Variants in ZNF493 observed in about 807,000 individuals in gnomAD.
ZNF493 encodes the protein zinc finger protein 493.
ZNF493 carries 11 observed loss-of-function variants against 12.2 expected under a neutral mutation model. The ratio of observed to expected loss-of-function variants is 0.90; its 90% CI spans 0.57 to 1.50. The LOEUF is 1.50. ZNF493 is among the 40% of genes most tolerant of loss of function. ZNF493 has a pLI of 0.00. For synonymous variants in ZNF493, 286 were observed against 302.6 expected (o/e 0.95, Z 0.57); for missense variants, 950 against 906.6 (o/e 1.05, Z -0.61).
chr19:21,424,427 AAACAC>A lies in ZNF493; in HGVS notation c.1771_1775del (p.His591AspfsTer5). Reference sequence around the variant, plus strand: ...CTTTAGTGTATTCTCAACCCTTACTAAACACAAGATAATTCATACTGATAAGAAAC... The same window carrying A: ...CTTTAGTGTATTCTCAACCCTTACTAAAGATAATTCATACTGATAAGAAAC... On this transcript the variant is annotated frameshift_variant, in exon 4 of 4. Transcript: ENST00000392288. LOFTEE classifies it low-confidence loss of function (END_TRUNC). 6.2e-7 allele frequency: 1 copy of A among 1,612,290 alleles called. No homozygotes were observed. The highest frequency in any genetic ancestry group is 1.7e-5 in the Admixed American group (1 of 59,638).
intron 3 of ZNF493, chr19:21,413,762 C>T: frequency 3.4e-6 from 1 of 290,826 alleles, no homozygotes; most frequent in Non-Finnish European, 6.3e-6. Flanking sequence ...TGGATCTCTC[C>T]ACCAAATCAG....
At chr19:21,410,636 G>A (rs1012324744) in intron 3 of ZNF493, among the ~76,000 whole-genome samples, 2 of 151,336 alleles carry the variant, frequency 1.3e-5, no homozygotes, top group Admixed American at 6.6e-5. Flanking sequence ...CTTAATGTGC[G>A]GAAATTTTCA....
chr19:21,405,615 A>T, intron 2 of ZNF493, 146 bp from the exon 3 acceptor site: 1 of 1,082,680 alleles, frequency 9.2e-7, no homozygotes, highest in Non-Finnish European at 1.2e-6. Context: ...AATATTTTCT[A>T]AATGTTAAGA....
At chr19:21,407,758 T>G in intron 3 of ZNF493, 1 of 984,402 alleles carries the variant, frequency 1.0e-6, no homozygotes, top group Non-Finnish European at 1.2e-6. Flanking sequence ...TATATGTTCC[T>G]CAAACAGCAA....
rs898941451 is a variant in ZNF493, at chr19:21,422,639, A to G, written c.254-274A>G. On this transcript the variant is annotated intron_variant, in intron 3 of 3. Coordinates refer to ENST00000392288, the MANE Select transcript of ZNF493 (RefSeq NM_001076678.3). ...CATTATGTTATATTGGGAAGCAGGA[A>G]TAGCCATGTTGGGTAAATGTAACAA... 1.5e-4 allele frequency among the ~76,000 whole-genome samples: 23 copies of G among 152,038 alleles called. 1 individual carries two copies. The highest frequency in any genetic ancestry group is 3.1e-4 in the Non-Finnish European group (21 of 67,980).
chr19:21,413,848 G>T (rs2030402000), intron 3 of ZNF493: 1 of 174,638 alleles, frequency 5.7e-6, no homozygotes, highest in Admixed American at 6.3e-5. Context: ...CTTTGGGCAG[G>T]CTCAAAAAAT....
intron 3 of ZNF493, among the ~76,000 whole-genome samples, chr19:21,409,938 A>T (rs959983949): frequency 3.9e-5 from 6 of 152,008 alleles, no homozygotes; most frequent in African/African-American, 1.5e-4. Context: ...TAAGATATAT[A>T]AGCGGAATCA....
chr19:21,415,126 C>T (rs952601324), intron 3 of ZNF493, among the ~76,000 whole-genome samples: 2 of 152,072 alleles, frequency 1.3e-5, no homozygotes, highest in African/African-American at 2.4e-5. Context: ...AAGAAAAAGC[C>T]ACTCTACTAA....
At position 21,424,563 on chromosome 19, in the gene ZNF493, G is replaced by T; in HGVS notation, c.1904G>T (p.Gly635Val). ...AAACCCTACAAATGTGAAGAATGTGGCAAAGCTTTTAAGCGGTCCTCACAC... is the reference window on the plus strand; with the variant it reads ...AAACCCTACAAATGTGAAGAATGTGTCAAAGCTTTTAAGCGGTCCTCACAC... Reference protein sequence around the residue: ...GEKPYKCEECGKAFKRSSHLA... With the variant: ...GEKPYKCEECVKAFKRSSHLA... Residue 635 changes from glycine (G) to valine (V), a missense_variant, in exon 4 of 4, where the codon GGC (glycine) becomes GTC (valine). Transcript: ENST00000392288. 3 of 1,610,142 alleles carry T rather than the reference G, an allele frequency of 1.9e-6. No individual in the cohort carries two copies. The highest frequency in any genetic ancestry group is 2.5e-6 in the Non-Finnish European group (3 of 1,178,666).
intron 1 of ZNF493, among the ~76,000 whole-genome samples, chr19:21,402,829 A>C (rs2029992569): frequency 6.6e-6 from 1 of 152,210 alleles, no homozygotes; most frequent in Admixed American, 6.5e-5. Context: ...GTGAGGGATA[A>C]GGCCACAAAG....
chr19:21,402,363 A>G (rs1459911945), intron 1 of ZNF493, among the ~76,000 whole-genome samples: 1 of 152,162 alleles, frequency 6.6e-6, no homozygotes, highest in African/African-American at 2.4e-5. Context: ...AGGATGTATC[A>G]TTGTTCCAAG....
At chr19:21,412,877 G>T in intron 3 of ZNF493, 1 of 413,160 alleles carries the variant, frequency 2.4e-6, no homozygotes. Context: ...ACTATTAATA[G>T]TGTCCACAAA....
chr19:21,408,685 T>C, intron 3 of ZNF493: 2 of 985,302 alleles, frequency 2.0e-6, no homozygotes, highest in South Asian at 9.4e-5. Flanking sequence ...TATCTTAATA[T>C]CAGCTTATCG....
At chr19:21,410,990 A>T (rs2937169) in intron 3 of ZNF493, among the ~76,000 whole-genome samples, 12 of 152,076 alleles carry the variant, frequency 7.9e-5, no homozygotes, top group African/African-American at 2.7e-4. Context: ...CGGTTTCTCC[A>T]TGTTGGTCAG....
At chr19:21,410,060 G>GTATGTATATATATA (rs1555730611) in intron 3 of ZNF493, among the ~76,000 whole-genome samples, 1 of 43,966 alleles carries the variant, frequency 2.3e-5, no homozygotes, top group African/African-American at 6.6e-5. Flanking sequence ...TTCATTGTGT[G>GTATGTATATATATA]TATATATATA....
At position 21,425,025 on chromosome 19, in the gene ZNF493, A is replaced by G. The variant is rs2030818443; in HGVS notation, c.*41A>G. On this transcript the variant is annotated 3_prime_UTR_variant, in exon 4 of 4. Transcript: ENST00000392288. ...CCTTTACTGCTCCTATTCCCTTACT[A>G]AAGAATGTGGCAAAGCTTTTCACCA... The G allele has an allele frequency of 1.9e-6, 3 of 1,560,142 alleles. No homozygotes were observed. The highest frequency in any genetic ancestry group is 2.6e-6 in the Non-Finnish European group (3 of 1,155,758).
chr19:21,414,531 A>G (rs1406477260), intron 3 of ZNF493: 1 of 152,226 alleles, frequency 6.6e-6, no homozygotes, highest in Non-Finnish European at 1.5e-5. Context: ...GAGTGATGTA[A>G]AAAGGATGCA....
Position 21,424,840 on chromosome 19 carries a change from C to T in ZNF493, c.2181C>T (p.Asn727=). 6.2e-7 allele frequency: 1 copy of T among 1,613,370 alleles called. No individual in the cohort carries two copies. The highest frequency in any genetic ancestry group is 8.5e-7 in the Non-Finnish European group (1 of 1,179,618). ...ECGKAFNHSS[N]LIKHKLIHTG... ...GCAAAGCTTTTAACCATTCCTCAAA[C>T]CTTATTAAACATAAGCTAATTCATA... The change falls in exon 4 of 4, where the codon AAC becomes AAT. Residue 727 remains asparagine (N), a synonymous_variant. Coordinates refer to ENST00000392288, the MANE Select transcript of ZNF493 (RefSeq NM_001076678.3).
At chr19:21,420,747 T>G in intron 3 of ZNF493, among the ~76,000 whole-genome samples, 1 of 78,844 alleles carries the variant, frequency 1.3e-5, no homozygotes, top group African/African-American at 4.1e-5. Flanking sequence ...TTCTTGCAAA[T>G]AACACTTTTT....
Sources: gnomAD v4.1 joint callset for allele counts (sites outside exome capture counted in the v4.1 genomes callset) on GRCh38, gnomAD v4.1.1 for gene constraint, MANE v1.5 for transcripts, NCBI Gene and HGNC (gene_info 2026-07-23, HGNC 2026-07-21) for gene names.